Variants in SCAPER observed in about 807,000 individuals in gnomAD.
SCAPER encodes S-phase cyclin A associated protein in the ER, also known as S phase cyclin A-associated protein in the endoplasmic reticulum.
A neutral mutation model predicts 182.2 loss-of-function variants in SCAPER; 98 were observed. The ratio of observed to expected loss-of-function variants is 0.54; its 90% CI spans 0.46 to 0.64. The LOEUF is 0.64. Among genes scored for constraint, SCAPER ranks in the 30% least tolerant of loss-of-function variants. The pLI is 0.00. For synonymous variants in SCAPER, 605 were observed against 564.6 expected (o/e 1.07, Z -1.01); for missense variants, 1,432 against 1,690.0 (o/e 0.85, Z 2.68).
chr15:76,450,181 A>G, intron 25 of SCAPER, among the ~76,000 whole-genome samples: 1 of 152,220 alleles, frequency 6.6e-6, no homozygotes. Context: ...TGTGATGTCT[A>G]CTATAGCATA....
intron 22 of SCAPER, among the ~76,000 whole-genome samples, chr15:76,607,369 T>A (rs113214828): frequency 6.6e-6 from 1 of 152,180 alleles, no homozygotes; most frequent in Non-Finnish European, 1.5e-5. Context: ...GCTTGTAGAG[T>A]TTCTGCTGAG....
At chr15:76,656,701 C>T (rs2055666456) in intron 21 of SCAPER, among the ~76,000 whole-genome samples, 1 of 152,152 alleles carries the variant, frequency 6.6e-6, no homozygotes, top group African/African-American at 2.4e-5. Flanking sequence ...ACTACAATCT[C>T]AGACCACAGC....
intron 23 of SCAPER, among the ~76,000 whole-genome samples, chr15:76,561,615 T>C (rs1439936229): frequency 6.6e-6 from 1 of 152,110 alleles, no homozygotes; most frequent in Non-Finnish European, 1.5e-5. Context: ...TCACAGTATG[T>C]AGGTAGAATA....
At chr15:76,667,653 A>C (rs1332669525) in intron 20 of SCAPER, among the ~76,000 whole-genome samples, 3 of 122,880 alleles carry the variant, frequency 2.4e-5, no homozygotes, top group Middle Eastern at 4.3e-3. Context: ...AAAAAAAAAA[A>C]AAAAAAAAAC....
At chr15:76,697,904 T>C (rs1278402679) in intron 20 of SCAPER, among the ~76,000 whole-genome samples, 2 of 152,078 alleles carry the variant, frequency 1.3e-5, no homozygotes, top group Non-Finnish European at 2.9e-5. Context: ...CCTCCCAAAA[T>C]GCTGGGATTA....
At chr15:76,464,648 T>A (rs1488265655) in intron 25 of SCAPER, among the ~76,000 whole-genome samples, 2 of 152,206 alleles carry the variant, frequency 1.3e-5, no homozygotes, top group African/African-American at 2.4e-5. Context: ...TCCACTCATT[T>A]GTTGATGAAT....
At chr15:76,741,067 C>T (rs996527380) in intron 15 of SCAPER, among the ~76,000 whole-genome samples, 11 of 152,124 alleles carry the variant, frequency 7.2e-5, no homozygotes, top group Admixed American at 4.6e-4. Flanking sequence ...GTGATTAACA[C>T]GATAAACTCA....
chr15:76,749,341 C>T (rs1474333174), intron 15 of SCAPER, among the ~76,000 whole-genome samples: 1 of 151,932 alleles, frequency 6.6e-6, no homozygotes, highest in African/African-American at 2.4e-5. Flanking sequence ...AAAGAAATTT[C>T]CTCAATTTGA....
chr15:76,594,433 C>T lies in SCAPER; in HGVS notation c.2712-20149G>A, dbSNP rs190366719. 3.7e-4 allele frequency among the ~76,000 whole-genome samples: 45 copies of T among 121,188 alleles called. 7 individuals carry two copies. The highest frequency in any genetic ancestry group is 9.8e-4 in the African/African-American group (39 of 39,744). 79.5% of individuals were successfully genotyped at this position (121,188 alleles called of 152,430 possible). A position where few individuals can be genotyped will look rare whatever the true frequency, so the allele number is the denominator to read the frequency against. On this transcript the variant is annotated intron_variant, in intron 22 of 31. Transcript: ENST00000563290. The stretch of plus-strand genomic sequence containing the variant: ...ATATTATCCAGGAGAACTTCCCCAA[C>T]CTAGCAAGAAAGGCCAACACTGAAA...
intron 5 of SCAPER, among the ~76,000 whole-genome samples, chr15:76,827,815 T>C (rs976658444): frequency 6.6e-6 from 1 of 152,186 alleles, no homozygotes; most frequent in Non-Finnish European, 1.5e-5. Context: ...TAAATTGGTA[T>C]AATACCTATG....
chr15:76,890,891 C>T (rs545312669), intron 1 of SCAPER, among the ~76,000 whole-genome samples: 2,234 of 152,296 alleles, frequency 0.015, 21 homozygotes, highest in Non-Finnish European at 0.023. Context: ...ACCAATATCC[C>T]TGATGAACAT....
chr15:76,498,838 T>G (rs1021649653), intron 24 of SCAPER, among the ~76,000 whole-genome samples: 6 of 152,084 alleles, frequency 3.9e-5, no homozygotes, highest in Non-Finnish European at 8.8e-5. Flanking sequence ...TGAACAAAGC[T>G]CCATTTCACA....
chr15:76,475,506 T>C (rs2050557980), intron 24 of SCAPER, among the ~76,000 whole-genome samples: 1 of 152,264 alleles, frequency 6.6e-6, no homozygotes, highest in South Asian at 2.1e-4. Flanking sequence ...TTTGTGTTTT[T>C]ATCACCATGT....
At chr15:76,861,467 G>A (rs2151881351) in intron 3 of SCAPER, among the ~76,000 whole-genome samples, 1 of 152,262 alleles carries the variant, frequency 6.6e-6, no homozygotes, top group Non-Finnish European at 1.5e-5. Flanking sequence ...ACCTAACTGT[G>A]AGGAATATTC....
Position 76,795,423 on chromosome 15 carries a change from A to C in SCAPER, c.629T>G (p.Val210Gly). The part of the protein sequence containing the change: ...SLNFGGSTGT[V>G]PAPRLAPTGV... ...TGTGGGAGCCAGACGAGGAGCTGGC[A>C]CTGTGCCAGTTGAACCTCTATGGAG... Residue 210 changes from valine (V) to glycine (G), a missense_variant, in exon 8 of 32, where the codon GTG becomes GGG. Coordinates refer to ENST00000563290, the MANE Select transcript of SCAPER (RefSeq NM_020843.4). 2 of 1,602,518 alleles carry C rather than the reference A, an allele frequency of 1.2e-6. No homozygotes were observed. The highest frequency in any genetic ancestry group is 1.7e-6 in the Non-Finnish European group (2 of 1,173,946).
At chr15:76,848,913 A>G (rs2070426535) in intron 4 of SCAPER, among the ~76,000 whole-genome samples, 1 of 152,044 alleles carries the variant, frequency 6.6e-6, no homozygotes, top group African/African-American at 2.4e-5. Context: ...CACCCCAGCC[A>G]TGGCTGAGCA....
At chr15:76,898,934 G>T (rs1436746943) in intron 1 of SCAPER, among the ~76,000 whole-genome samples, 1 of 152,128 alleles carries the variant, frequency 6.6e-6, no homozygotes, top group African/African-American at 2.4e-5. Flanking sequence ...GCTCAATAAA[G>T]CTTCAAATTA....
chr15:76,813,248 AAAAAAAAC>A (rs1172343519), intron 5 of SCAPER, among the ~76,000 whole-genome samples: 1 of 61,742 alleles, frequency 1.6e-5, no homozygotes, highest in African/African-American at 3.2e-5. Context: ...AAAAAAAAAA[AAAAAAAAC>A]AACTCAACAA....
chr15:76,569,214 G>A (rs1011152360), intron 23 of SCAPER, among the ~76,000 whole-genome samples: 2 of 151,998 alleles, frequency 1.3e-5, no homozygotes, highest in African/African-American at 4.8e-5. Flanking sequence ...GTCAGATTAA[G>A]GAAATTCCAT....
Sources: gnomAD v4.1 joint callset for allele counts (sites outside exome capture counted in the v4.1 genomes callset) on GRCh38, gnomAD v4.1.1 for gene constraint, MANE v1.5 for transcripts, NCBI Gene and HGNC (gene_info 2026-07-23, HGNC 2026-07-21) for gene names.